The following FBLN5 variants were observed in gnomAD, a reference collection of about 807,000 sequenced individuals.
The protein encoded by FBLN5 is fibulin-5.
In FBLN5, 24 loss-of-function variants were observed where a neutral mutation model predicts 61.6. The ratio of observed to expected loss-of-function variants is 0.39; its 90% CI spans 0.28 to 0.55. FBLN5 has a LOEUF of 0.55. FBLN5 is among the 20% of genes least tolerant of loss of function. The probability of loss-of-function intolerance (pLI) is 0.65; values close to 1 mark genes in which losing one functional copy is unlikely to be tolerated. For missense variants in FBLN5, 470 were observed against 594.1 expected (o/e 0.79, Z 2.17); for synonymous variants, 213 against 219.8 (o/e 0.97, Z 0.27).
At chr14:91,911,448 T>C (rs912901926) in intron 4 of FBLN5, among the ~76,000 whole-genome samples, 4 of 152,186 alleles carry the variant, frequency 2.6e-5, no homozygotes, top group East Asian at 1.9e-4. Context: ...AGGCACAGAA[T>C]TGGCCCTCAG....
intron 4 of FBLN5, among the ~76,000 whole-genome samples, chr14:91,910,907 G>A (rs1471614818): frequency 6.6e-6 from 1 of 152,146 alleles, no homozygotes; most frequent in East Asian, 1.9e-4. Context: ...CGATTCAAAG[G>A]ACAACACAGG....
chr14:91,878,644 C>T (rs1034344414), intron 9 of FBLN5, among the ~76,000 whole-genome samples: 6 of 152,234 alleles, frequency 3.9e-5, no homozygotes, highest in Non-Finnish European at 8.8e-5. Flanking sequence ...GCCTTCAATG[C>T]ACTCTTGCCT....
At chr14:91,873,031 C>A (rs1175021452) in intron 10 of FBLN5, among the ~76,000 whole-genome samples, 1 of 152,172 alleles carries the variant, frequency 6.6e-6, no homozygotes. Context: ...CCTCAACTAT[C>A]CCATTTGAAA....
Position 91,906,808 on chromosome 14 carries a change from C to T in FBLN5, c.380-11736G>A, listed in dbSNP as rs1353488343. Among the ~76,000 whole-genome samples the T allele has an allele frequency of 3.9e-5, 6 of 152,360 alleles. No individual in the cohort carries two copies. The South Asian group carries it at 1.2e-3, about 32-fold the overall frequency. ...ATAAAGGCACAGTGCCCGAGTCCCACTGCCCCCAATGCCTCTGCTCAGGAG... is the reference window on the plus strand; with the variant it reads ...ATAAAGGCACAGTGCCCGAGTCCCATTGCCCCCAATGCCTCTGCTCAGGAG... On this transcript the variant is annotated intron_variant, in intron 4 of 10. Coordinates refer to ENST00000342058, the MANE Select transcript of FBLN5 (RefSeq NM_006329.4).
At chr14:91,924,206 C>T (rs1486126673) in intron 4 of FBLN5, among the ~76,000 whole-genome samples, 1 of 152,226 alleles carries the variant, frequency 6.6e-6, no homozygotes, top group East Asian at 1.9e-4. Context: ...TCTTTACATG[C>T]ACAGCTCAGA....
chr14:91,901,668 C>A (rs1890455624), intron 4 of FBLN5, among the ~76,000 whole-genome samples: 1 of 152,162 alleles, frequency 6.6e-6, no homozygotes. Flanking sequence ...AATTAAAGAT[C>A]TCAGCGTTGG....
chr14:91,925,405 C>T (rs577045261), intron 4 of FBLN5, among the ~76,000 whole-genome samples: 2 of 152,308 alleles, frequency 1.3e-5, no homozygotes, highest in East Asian at 1.9e-4. Context: ...AATGTCCTTT[C>T]CCTGCCAGCC....
chr14:91,912,314 T>C (rs907746909), intron 4 of FBLN5, among the ~76,000 whole-genome samples: 2 of 152,054 alleles, frequency 1.3e-5, no homozygotes, highest in African/African-American at 4.8e-5. Flanking sequence ...CTGAGCAACA[T>C]AGCGAGACCC....
chr14:91,922,568 G>T (rs1353970374), intron 4 of FBLN5, among the ~76,000 whole-genome samples: 1 of 152,148 alleles, frequency 6.6e-6, no homozygotes, highest in African/African-American at 2.4e-5. Flanking sequence ...GTGCCACCTG[G>T]CCCCCAGCCA....
intron 4 of FBLN5, among the ~76,000 whole-genome samples, chr14:91,914,583 C>G (rs1891107417): frequency 6.6e-6 from 1 of 150,774 alleles, no homozygotes. Context: ...TGCAGTGAAC[C>G]ATGATCATGC....
chr14:91,936,416 C>T (rs1413823461), intron 4 of FBLN5, among the ~76,000 whole-genome samples: 2 of 152,156 alleles, frequency 1.3e-5, no homozygotes, highest in Admixed American at 6.5e-5. Flanking sequence ...AGTGAGGCTC[C>T]TTTTGGTCAC....
chr14:91,878,786 C>G (rs910304810), intron 9 of FBLN5, among the ~76,000 whole-genome samples: 5 of 152,240 alleles, frequency 3.3e-5, no homozygotes, highest in Admixed American at 1.3e-4. Context: ...AACCATCCAG[C>G]CTACTCTTCC....
chr14:91,904,273 G>A (rs560644343), intron 4 of FBLN5, among the ~76,000 whole-genome samples: 2 of 152,256 alleles, frequency 1.3e-5, no homozygotes, highest in South Asian at 2.1e-4. Context: ...AAAGCAAGAG[G>A]GAAATTCAGT....
At chr14:91,915,862 T>C (rs933769850) in intron 4 of FBLN5, among the ~76,000 whole-genome samples, 1 of 152,122 alleles carries the variant, frequency 6.6e-6, no homozygotes, top group Non-Finnish European at 1.5e-5. Flanking sequence ...ATTCTAACTT[T>C]CCAGAGAATA....
intron 5 of FBLN5, among the ~76,000 whole-genome samples, chr14:91,892,750 CT>C (rs1393836056): frequency 7.2e-5 from 11 of 152,352 alleles, no homozygotes; most frequent in South Asian, 4.1e-4. Context: ...GGCAGCCCCC[CT>C]GACCCCTCAT....
At chr14:91,873,376 G>A (rs912617512) in intron 10 of FBLN5, 2 of 152,304 alleles carry the variant, frequency 1.3e-5, no homozygotes, top group Non-Finnish European at 1.5e-5. Context: ...CTCTAAGTAG[G>A]TTAGGGATAC....
intron 4 of FBLN5, among the ~76,000 whole-genome samples, chr14:91,918,389 G>C (rs1230180113): frequency 2.0e-5 from 3 of 152,202 alleles, no homozygotes; most frequent in Non-Finnish European, 4.4e-5. Context: ...GAAACAAGAG[G>C]GCAGAAGGTC....
intron 4 of FBLN5, among the ~76,000 whole-genome samples, chr14:91,931,560 A>G (rs572699823): frequency 3.8e-4 from 58 of 152,332 alleles, no homozygotes; most frequent in African/African-American, 1.4e-3. Flanking sequence ...GGACTAGAAG[A>G]GAGAATCAAG....
intron 4 of FBLN5, among the ~76,000 whole-genome samples, chr14:91,922,466 G>C (rs1251470643): frequency 1.3e-5 from 2 of 152,188 alleles, no homozygotes; most frequent in African/African-American, 2.4e-5. Context: ...CAGTGTTCCA[G>C]TGGGAATTAC....
Sources: gnomAD v4.1 joint callset for allele counts (sites outside exome capture counted in the v4.1 genomes callset) on GRCh38, gnomAD v4.1.1 for gene constraint, MANE v1.5 for transcripts, NCBI Gene and HGNC (gene_info 2026-07-23, HGNC 2026-07-21) for gene names.